The following WLS variants were observed in gnomAD, a reference collection of about 807,000 sequenced individuals.
WLS encodes Wnt ligand secretion mediator.
WLS carries 23 observed loss-of-function variants against 62.8 expected under a neutral mutation model. The observed-to-expected ratio is 0.37, with a 90% CI of 0.26 to 0.52. The LOEUF (loss-of-function observed/expected upper bound fraction) is 0.52, where lower values mean the gene tolerates loss of function less well. Among genes scored for constraint, WLS ranks in the 20% least tolerant of loss-of-function variants. The probability of loss-of-function intolerance (pLI) is 0.92; values close to 1 mark genes in which losing one functional copy is unlikely to be tolerated. For missense variants in WLS, 615 were observed against 697.3 expected, an observed-to-expected ratio of 0.88 and a Z score of 1.33; for synonymous variants, 246 against 244.1, an observed-to-expected ratio of 1.01 and a Z score of -0.07.
chr1:68,231,021 C>G (rs1402761023), intron 1 of WLS, among the ~76,000 whole-genome samples: 1 of 152,186 alleles, frequency 6.6e-6, no homozygotes, highest in Non-Finnish European at 1.5e-5. Context: ...GTGGACTCCC[C>G]ACTCCGCAAA....
intron 11 of WLS, among the ~76,000 whole-genome samples, chr1:68,136,158 G>A (rs1313704217): frequency 6.6e-6 from 1 of 152,128 alleles, no homozygotes; most frequent in Non-Finnish European, 1.5e-5. Flanking sequence ...TTGACCCCCA[G>A]CACAGATGCC....
chr1:68,185,852 T>C (rs1290480962), intron 2 of WLS, among the ~76,000 whole-genome samples: 1 of 152,230 alleles, frequency 6.6e-6, no homozygotes, highest in Non-Finnish European at 1.5e-5. Flanking sequence ...TATGGAGGCT[T>C]CATTACCTAG....
intron 1 of WLS, among the ~76,000 whole-genome samples, chr1:68,198,673 G>A (rs1001550773): frequency 5.3e-5 from 8 of 152,098 alleles, no homozygotes; most frequent in Non-Finnish European, 1.5e-5. Context: ...CATATGGAAC[G>A]TACAAATAAC....
intron 2 of WLS, among the ~76,000 whole-genome samples, chr1:68,192,718 C>T (rs1319676526): frequency 1.4e-5 from 2 of 145,254 alleles, no homozygotes; most frequent in African/African-American, 5.1e-5. Context: ...GAACTCCAGC[C>T]TGGGCCAGCA....
At position 68,106,825 on chromosome 1, in the gene WLS, C is replaced by T. The variant is rs566491839; in HGVS notation, c.1511-8072G>A. On this transcript the variant is annotated intron_variant, in intron 11 of 11. Transcript: ENST00000354777. Reference sequence around the variant, plus strand: ...GTCCAGGACAAGAGATGCTTAATGTCCTGCAACACGAGATCAGTTCCTCAG... The same window carrying T: ...GTCCAGGACAAGAGATGCTTAATGTTCTGCAACACGAGATCAGTTCCTCAG... 5.9e-5 allele frequency among the ~76,000 whole-genome samples: 9 copies of T among 151,920 alleles called. 3 individuals are homozygous for T. The highest frequency in any genetic ancestry group is 2.2e-4 in the African/African-American group (9 of 41,410).
Position 68,125,883 on chromosome 1 carries a change from C to T in WLS, c.*343G>A. 9.4e-7 allele frequency: 1 copy of T among 1,062,200 alleles called. No homozygotes were observed. Among genetic ancestry groups the T allele is most frequent in the Admixed American group, 5.1e-5 (1 of 19,776 alleles). The allele number at this position is 1,062,200 out of a possible 1,614,324, so 65.8% of individuals were successfully genotyped here. ...TCAAATATTCCACTCCCCATTCGGC[C>T]CAAACCATCCCCCAAGGAATACACC... On this transcript the variant is annotated 3_prime_UTR_variant, in exon 12 of 12. Transcript: ENST00000262348.
At chr1:68,116,560 C>G (rs1187728795) in intron 11 of WLS, among the ~76,000 whole-genome samples, 2 of 152,146 alleles carry the variant, frequency 1.3e-5, no homozygotes, top group East Asian at 3.9e-4. Flanking sequence ...ACAATTGTGC[C>G]TACCTCATAG....
At chr1:68,133,098 A>C (rs1412075610) in intron 11 of WLS, among the ~76,000 whole-genome samples, 1 of 152,238 alleles carries the variant, frequency 6.6e-6, no homozygotes, top group African/African-American at 2.4e-5. Flanking sequence ...AGAAAATATA[A>C]GTGTTCCTTG....
chr1:68,108,545 G>T (rs1261219496), intron 11 of WLS, among the ~76,000 whole-genome samples: 9 of 152,128 alleles, frequency 5.9e-5, no homozygotes, highest in Admixed American at 5.9e-4. Flanking sequence ...CTCCACTGTG[G>T]GTGATTGGAC....
chr1:68,215,086 G>A (rs1307133090), intron 1 of WLS, among the ~76,000 whole-genome samples: 2 of 152,172 alleles, frequency 1.3e-5, no homozygotes, highest in African/African-American at 4.8e-5. Context: ...GGAATCAGAA[G>A]TGAAGATTCT....
intron 1 of WLS, among the ~76,000 whole-genome samples, chr1:68,198,110 G>A (rs2100616038): frequency 6.6e-6 from 1 of 152,230 alleles, no homozygotes; most frequent in Non-Finnish European, 1.5e-5. Context: ...CATTATAAAT[G>A]TCTCCTCCAC....
At chr1:68,158,128 T>C (rs1402774957) in intron 3 of WLS, among the ~76,000 whole-genome samples, 1 of 152,052 alleles carries the variant, frequency 6.6e-6, no homozygotes, top group Non-Finnish European at 1.5e-5. Flanking sequence ...CTTCATAGAG[T>C]TTAATAAACT....
At chr1:68,137,561 A>G (rs1646628408) in intron 11 of WLS, among the ~76,000 whole-genome samples, 1 of 152,236 alleles carries the variant, frequency 6.6e-6, no homozygotes, top group African/African-American at 2.4e-5. Context: ...AATGTATTTT[A>G]GAGATTTAAA....
At chr1:68,155,371 G>T in intron 3 of WLS, 111 bp from the exon 4 acceptor site, 1 of 1,306,864 alleles carries the variant, frequency 7.7e-7, no homozygotes, top group Non-Finnish European at 1.0e-6. Flanking sequence ...ATGCTTAAAG[G>T]TACACTTTAG....
chr1:68,171,976 T>G (rs1570944989), intron 2 of WLS, among the ~76,000 whole-genome samples: 2 of 152,200 alleles, frequency 1.3e-5, no homozygotes, highest in South Asian at 4.1e-4. Flanking sequence ...TGGAATACTA[T>G]GCAGCCATAA....
intron 1 of WLS, among the ~76,000 whole-genome samples, chr1:68,231,137 GGGCGCGAGTGTGCAGAGAGGCGGGA>G: frequency 6.6e-6 from 1 of 152,360 alleles, no homozygotes; most frequent in Admixed American, 6.5e-5. Flanking sequence ...AGGGGGCGGG[GGGCGCGAGTGTGCAGAGAGGCGGGA>G]GGATGGATGC....
chr1:68,119,289 C>CT (rs1389627715), intron 11 of WLS, among the ~76,000 whole-genome samples: 10 of 152,120 alleles, frequency 6.6e-5, no homozygotes, highest in African/African-American at 2.4e-4. Flanking sequence ...CATGGAAAAA[C>CT]TTGTGTAAGA....
chr1:68,110,007 T>TAAAAAACAAAAAAAA (rs1646202163), intron 11 of WLS, among the ~76,000 whole-genome samples: 1 of 28,456 alleles, frequency 3.5e-5, no homozygotes, highest in Non-Finnish European at 6.3e-5. Flanking sequence ...ACACAAAAAG[T>TAAAAAACAAAAAAAA]AAAAAAAAAA....
At chr1:68,157,181 C>A in intron 3 of WLS, among the ~76,000 whole-genome samples, 1 of 152,154 alleles carries the variant, frequency 6.6e-6, no homozygotes, top group African/African-American at 2.4e-5. Flanking sequence ...CCTTGGGTCA[C>A]CCTGCCTCAT....
Sources: gnomAD v4.1 joint callset for allele counts (sites outside exome capture counted in the v4.1 genomes callset) on GRCh38, gnomAD v4.1.1 for gene constraint, MANE v1.5 for transcripts, NCBI Gene and HGNC (gene_info 2026-07-23, HGNC 2026-07-21) for gene names.